Variants in EFHC2 observed in about 807,000 individuals in gnomAD.
EFHC2 encodes EF-hand domain containing 2.
In EFHC2, 18 loss-of-function variants were observed where a neutral mutation model predicts 52.7. The ratio of observed to expected loss-of-function variants is 0.34; its 90% CI spans 0.24 to 0.51. EFHC2 has a LOEUF of 0.51. EFHC2 is among the 20% of genes least tolerant of loss of function. The pLI, the probability that EFHC2 is intolerant of heterozygous loss-of-function variation, is 0.97. For missense variants in EFHC2, 513 were observed against 562.5 expected (o/e 0.91, Z 0.89); for synonymous variants, 203 against 204.1 (o/e 0.99, Z 0.04).
At chrX:44,167,019 C>T (rs2036701200) in intron 13 of EFHC2, among the ~76,000 whole-genome samples, 1 of 112,007 alleles carries the variant, frequency 8.9e-6, no homozygotes, top group East Asian at 2.8e-4. Context: ...CAATCACTTT[C>T]TTGCCTGCAA....
At chrX:44,151,506 T>C (rs941475982) in intron 14 of EFHC2, among the ~76,000 whole-genome samples, 1 of 111,373 alleles carries the variant, frequency 9.0e-6, no homozygotes, top group Non-Finnish European at 1.9e-5. Context: ...CTGGCAGTCA[T>C]TCCTTGGCTT....
chrX:44,327,130 A>T (rs917825125), intron 1 of EFHC2, among the ~76,000 whole-genome samples: 4 of 111,689 alleles, frequency 3.6e-5, no homozygotes, highest in Non-Finnish European at 7.5e-5. Flanking sequence ...CTGAGCCCTT[A>T]AGCAATGGGC....
intron 14 of EFHC2, among the ~76,000 whole-genome samples, chrX:44,153,941 A>AT (rs1387460522): frequency 2.7e-5 from 3 of 112,480 alleles, no homozygotes; most frequent in Non-Finnish European, 5.6e-5. Flanking sequence ...CCAGCAATGC[A>AT]TATCAATTTT....
At chrX:44,310,442 G>C (rs2037940161) in intron 2 of EFHC2, 1 of 910,718 alleles carries the variant, frequency 1.1e-6, no homozygotes, top group Non-Finnish European at 1.5e-6. Flanking sequence ...CTGCGGGTCC[G>C]TAATGTGCAG....
intron 11 of EFHC2, among the ~76,000 whole-genome samples, chrX:44,179,197 A>G (rs769748953): frequency 3.4e-4 from 38 of 111,626 alleles, no homozygotes; most frequent in Admixed American, 5.7e-4. Flanking sequence ...AAACAACAAC[A>G]TATCAATGAA....
chrX:44,311,351 T>C (rs886530354), intron 2 of EFHC2, among the ~76,000 whole-genome samples: 9 of 112,200 alleles, frequency 8.0e-5, no homozygotes, highest in African/African-American at 2.6e-4. Flanking sequence ...ATGTGTCAAT[T>C]TGAGGACATT....
At chrX:44,236,605 C>A (rs17146898) in intron 8 of EFHC2, among the ~76,000 whole-genome samples, 2,565 of 112,194 alleles carry the variant, frequency 0.023, 82 homozygotes, top group African/African-American at 0.078. Context: ...GTACAAGAAT[C>A]CGGGCTGAAA....
At chrX:44,234,322 T>C (rs2037301274) in intron 9 of EFHC2, among the ~76,000 whole-genome samples, 1 of 112,185 alleles carries the variant, frequency 8.9e-6, no homozygotes, top group Admixed American at 9.4e-5. Flanking sequence ...ATTCTAAGTG[T>C]ATAGAGTTGA....
At chrX:44,174,091 A>G (rs1010658708) in intron 13 of EFHC2, among the ~76,000 whole-genome samples, 1 of 112,417 alleles carries the variant, frequency 8.9e-6, no homozygotes, top group Non-Finnish European at 1.9e-5. Flanking sequence ...TGTGTGGTCT[A>G]TGGTCCCTGA....
In EFHC2 at chrX:44,194,912, G is replaced by A. The variant is rs372714101; in HGVS notation, c.1752-16348C>T. Among the ~76,000 whole-genome samples, 43 of 111,787 alleles carry A rather than the reference G, an allele frequency of 3.8e-4. 2 individuals are homozygous for A. The highest frequency in any genetic ancestry group is 2.3e-3 in the Admixed American group (24 of 10,563). ...CTAGCCACAACCAGAGCCACTTCAT[G>A]CCCAAGCCTCCTGCAGCAGAGAATT... On this transcript the variant is annotated intron_variant, in intron 11 of 14. Transcript: ENST00000420999.
intron 2 of EFHC2, among the ~76,000 whole-genome samples, chrX:44,303,571 C>T (rs2037883202): frequency 9.2e-6 from 1 of 108,634 alleles, no homozygotes; most frequent in African/African-American, 3.4e-5. Context: ...AGACATCCCA[C>T]AGTTGCTTAG....
chrX:44,239,088 G>A (rs1180394246), intron 8 of EFHC2, among the ~76,000 whole-genome samples: 1 of 111,382 alleles, frequency 9.0e-6, no homozygotes, highest in Non-Finnish European at 1.9e-5. Context: ...GAGTCTTATG[G>A]TTGGAACACA....
At position 44,196,243 on chromosome X, in the gene EFHC2, C is replaced by T. The variant is rs541111859; in HGVS notation, c.1752-17679G>A. Among the ~76,000 whole-genome samples the T allele has an allele frequency of 1.4e-4, 16 of 111,563 alleles. No individual in the cohort carries two copies. In the South Asian group the frequency reaches 5.7e-3, roughly 40 times the overall value. On this transcript the variant is annotated intron_variant, in intron 11 of 14. Coordinates refer to ENST00000420999, the MANE Select transcript of EFHC2 (RefSeq NM_025184.4). ...ATAGTTACTTTATGAACACCATGAA[C>T]GGATCATGGTCTCCTATTTTGCACT...
intron 1 of EFHC2, among the ~76,000 whole-genome samples, chrX:44,330,945 G>C (rs776894838): frequency 2.1e-4 from 24 of 111,846 alleles, no homozygotes; most frequent in African/African-American, 7.8e-4. Context: ...AATCTAAAAT[G>C]GTAATTTGCT....
At chrX:44,310,356 G>A in intron 2 of EFHC2, 2 of 888,034 alleles carry the variant, frequency 2.3e-6, no homozygotes, top group Admixed American at 5.2e-5. Flanking sequence ...GCCAGAACCC[G>A]GGTCCCGCTC....
intron 1 of EFHC2, among the ~76,000 whole-genome samples, chrX:44,338,511 C>T (rs953338618): frequency 3.1e-5 from 3 of 97,638 alleles, no homozygotes; most frequent in African/African-American, 7.5e-5. Context: ...GACCCTATCG[C>T]AAAAAAAAAA....
At chrX:44,163,697 A>C (rs2036674634) in intron 14 of EFHC2, among the ~76,000 whole-genome samples, 1 of 111,974 alleles carries the variant, frequency 8.9e-6, no homozygotes, top group South Asian at 3.7e-4. Flanking sequence ...ATCGAGGTTA[A>C]AAAAAATTCA....
intron 10 of EFHC2, among the ~76,000 whole-genome samples, chrX:44,230,299 G>A (rs141481330): frequency 0.037 from 4,136 of 111,744 alleles, 175 homozygotes; most frequent in African/African-American, 0.13. Context: ...CACTGTTCCT[G>A]TCTCTTATCC....
intron 11 of EFHC2, among the ~76,000 whole-genome samples, chrX:44,198,547 TG>T (rs1364174214): frequency 9.0e-6 from 1 of 111,232 alleles, no homozygotes; most frequent in Admixed American, 9.6e-5. Context: ...CATGGCAAAA[TG>T]GTAGACTAGG....
Sources: allele counts gnomAD v4.1 joint callset (sites outside exome capture counted in the v4.1 genomes callset), GRCh38; gene constraint gnomAD v4.1.1; transcripts MANE v1.5; gene names NCBI Gene and HGNC (gene_info 2026-07-23, HGNC 2026-07-21).